The following VDAC1 variants were observed in gnomAD, a reference collection of about 807,000 sequenced individuals.
VDAC1 encodes the protein non-selective voltage-gated ion channel VDAC1.
VDAC1 carries 10 observed loss-of-function variants against 34.7 expected under a neutral mutation model. That is an observed-to-expected ratio of 0.29 (90% CI 0.18 to 0.49). VDAC1 has a LOEUF of 0.49. Among genes scored for constraint, VDAC1 ranks in the 20% least tolerant of loss-of-function variants. VDAC1 has a pLI of 0.99. For missense variants in VDAC1, 230 were observed against 347.9 expected (o/e 0.66, Z 2.69); for synonymous variants, 130 against 136.0 (o/e 0.96, Z 0.30).
rs1223183898 is a variant in VDAC1, at chr5:133,973,932, A to G, written c.703-84T>C. 4.4e-6 allele frequency: 6 copies of G among 1,358,830 alleles called. No homozygotes were observed. The Admixed American group carries it at 1.1e-4, about 24-fold the overall frequency. The allele number at this position is 1,358,830 out of a possible 1,614,324, so 84.2% of individuals were successfully genotyped here. A position where few individuals can be genotyped will look rare whatever the true frequency, so the allele number is the denominator to read the frequency against. On this transcript the variant is annotated intron_variant, in intron 7 of 8. Coordinates refer to ENST00000265333, the MANE Select transcript of VDAC1 (RefSeq NM_003374.3). ...CTCCAAAATTAGAGCTTTTTAGTCA[A>G]CCAACCTTGGACTTTAGAATCAAAA...
chr5:134,070,029 G>C, the VDAC1 span, among the ~76,000 whole-genome samples: 3 of 152,050 alleles, frequency 2.0e-5, no homozygotes, highest in African/African-American at 7.2e-5. Context: ...AAAAAGGGGA[G>C]GCATGAATAA....
At chr5:134,045,664 C>A in the VDAC1 span, among the ~76,000 whole-genome samples, 3 of 151,922 alleles carry the variant, frequency 2.0e-5, no homozygotes, top group Non-Finnish European at 4.4e-5. Flanking sequence ...GATGGTATCC[C>A]CATCCCAAGA....
intron 1 of VDAC1, chr5:134,004,375 C>T (rs1753679025): frequency 6.6e-6 from 1 of 152,268 alleles, no homozygotes; most frequent in African/African-American, 2.4e-5. Context: ...CCCGCAAGCC[C>T]GGGCCGCCTC....
At chr5:134,047,377 G>C in the VDAC1 span, among the ~76,000 whole-genome samples, 3 of 152,046 alleles carry the variant, frequency 2.0e-5, no homozygotes, top group Non-Finnish European at 4.4e-5. Flanking sequence ...TGCTGCCCAG[G>C]CATCTCCACA....
chr5:133,999,437 C>T (rs913942620), intron 1 of VDAC1, among the ~76,000 whole-genome samples: 9 of 152,178 alleles, frequency 5.9e-5, no homozygotes, highest in African/African-American at 1.9e-4. Flanking sequence ...TCTGTCTGCC[C>T]CTCCAGATCC....
chr5:134,101,303 G>C, the VDAC1 span, among the ~76,000 whole-genome samples: 3 of 152,026 alleles, frequency 2.0e-5, no homozygotes, highest in Non-Finnish European at 1.5e-5. Flanking sequence ...AAGAAACACA[G>C]GATTGGCCAG....
chr5:134,114,450 T>C, the VDAC1 span, among the ~76,000 whole-genome samples: 2 of 152,038 alleles, frequency 1.3e-5, no homozygotes, highest in South Asian at 2.1e-4. Context: ...TATCTGGTTG[T>C]AGGTGAGTAA....
At chr5:134,066,338 G>C in the VDAC1 span, among the ~76,000 whole-genome samples, 3 of 152,142 alleles carry the variant, frequency 2.0e-5, no homozygotes, top group Non-Finnish European at 2.9e-5. Flanking sequence ...AGTCTCTGTT[G>C]TAACTATTCA....
the VDAC1 span, among the ~76,000 whole-genome samples, chr5:134,030,086 A>G: frequency 6.6e-6 from 1 of 152,184 alleles, no homozygotes; most frequent in African/African-American, 2.4e-5. Flanking sequence ...CACACCTGTA[A>G]TCCCAGCACT....
chr5:134,089,818 C>T, the VDAC1 span, among the ~76,000 whole-genome samples: 26 of 152,138 alleles, frequency 1.7e-4, no homozygotes, highest in South Asian at 3.9e-3. Context: ...GGTGAAACCC[C>T]GTCTCTACTA....
At chr5:134,026,182 G>A in the VDAC1 span, among the ~76,000 whole-genome samples, 2 of 152,166 alleles carry the variant, frequency 1.3e-5, no homozygotes, top group African/African-American at 4.8e-5. Context: ...AAGGGAGAGG[G>A]AAATAAACAA....
chr5:134,066,491 A>T, the VDAC1 span, among the ~76,000 whole-genome samples: 4 of 152,202 alleles, frequency 2.6e-5, no homozygotes, highest in African/African-American at 9.7e-5. Flanking sequence ...TTTTACTGTA[A>T]TTTCTAACAT....
upstream of VDAC1, chr5:134,005,542 T>A (rs1561604576): frequency 6.6e-6 from 1 of 152,098 alleles, no homozygotes; most frequent in African/African-American, 2.4e-5. Flanking sequence ...AAAGACAAAA[T>A]AAAACAAAAC....
the VDAC1 span, among the ~76,000 whole-genome samples, chr5:134,100,817 C>T: frequency 6.6e-6 from 1 of 152,230 alleles, no homozygotes; most frequent in Non-Finnish European, 1.5e-5. Flanking sequence ...TCAGCCAGGC[C>T]CCTTGACTTT....
In VDAC1 at chr5:133,980,843, T is replaced by C. The variant is rs755166717; in HGVS notation, c.437A>G (p.Tyr146Cys). Residue 146 changes from tyrosine to cysteine, a missense_variant, in exon 6 of 9, where the codon TAC becomes TGC. Coordinates refer to ENST00000265333, the MANE Select transcript of VDAC1 (RefSeq NM_003374.3). The stretch of plus-strand genomic sequence containing the variant: ...CTGGTAGCCGGCCAGCCAGCCCTCG[T>C]AACCTAGCACCAGAGCACCCCGGAT... The part of the protein sequence containing the change: ...PSIRGALVLG[Y>C]EGWLAGYQMN... The C allele has an allele frequency of 5.6e-6, 9 of 1,613,698 alleles. No homozygotes were observed. The Admixed American group carries it at 1.2e-4, about 21-fold the overall frequency.
chr5:134,057,605 C>T, the VDAC1 span, among the ~76,000 whole-genome samples: 907 of 151,676 alleles, frequency 6.0e-3, 7 homozygotes, highest in African/African-American at 0.02. Context: ...ACAACAATTG[C>T]TTGAACCTGG....
upstream of VDAC1, among the ~76,000 whole-genome samples, chr5:134,006,967 C>T (rs923729716): frequency 2.0e-5 from 3 of 150,814 alleles, no homozygotes; most frequent in Non-Finnish European, 4.4e-5. Flanking sequence ...CACTCGGCCC[C>T]GTGCAGTGGC....
the VDAC1 span, among the ~76,000 whole-genome samples, chr5:134,113,732 C>A: frequency 6.6e-6 from 1 of 152,246 alleles, no homozygotes; most frequent in African/African-American, 2.4e-5. Context: ...CATACAGATG[C>A]GCTGGAATCC....
chr5:134,039,107 A>T, the VDAC1 span, among the ~76,000 whole-genome samples: 2 of 152,150 alleles, frequency 1.3e-5, no homozygotes, highest in African/African-American at 4.8e-5. Context: ...AGTGAAACCA[A>T]TTCTCCAGAA....
Sources: gnomAD v4.1 joint callset for allele counts (sites outside exome capture counted in the v4.1 genomes callset) on GRCh38, gnomAD v4.1.1 for gene constraint, MANE v1.5 for transcripts, NCBI Gene and HGNC (gene_info 2026-07-23, HGNC 2026-07-21) for gene names.